The following GNAI1 variants were observed in gnomAD, a reference collection of about 807,000 sequenced individuals.
GNAI1 encodes guanine nucleotide-binding protein G(i) subunit alpha-1.
In GNAI1, 11 loss-of-function variants were observed where a neutral mutation model predicts 38.9. The observed-to-expected ratio is 0.28, with a 90% CI of 0.18 to 0.47. The LOEUF (loss-of-function observed/expected upper bound fraction) is 0.47, where lower values mean the gene tolerates loss of function less well. Among genes scored for constraint, GNAI1 ranks in the 20% least tolerant of loss-of-function variants. The probability of loss-of-function intolerance (pLI) is 0.99; values close to 1 mark genes in which losing one functional copy is unlikely to be tolerated. For synonymous variants in GNAI1, 166 were observed against 145.1 expected (o/e 1.14, Z -1.04); for missense variants, 317 against 436.9 (o/e 0.73, Z 2.45).
intron 1 of GNAI1, among the ~76,000 whole-genome samples, chr7:80,175,578 T>C (rs1224988620): frequency 1.3e-5 from 2 of 151,282 alleles, no homozygotes; most frequent in African/African-American, 4.9e-5. Flanking sequence ...TTTAACAAAT[T>C]GAAGGTTTGT....
chr7:80,213,655 T>C (rs1262457281), intron 7 of GNAI1, among the ~76,000 whole-genome samples: 1 of 152,164 alleles, frequency 6.6e-6, no homozygotes, highest in Non-Finnish European at 1.5e-5. Flanking sequence ...CACCACCTTA[T>C]AACTTTTTCA....
intron 1 of GNAI1, among the ~76,000 whole-genome samples, chr7:80,143,798 T>C (rs1412255174): frequency 6.6e-6 from 1 of 152,180 alleles, no homozygotes; most frequent in African/African-American, 2.4e-5. Flanking sequence ...TTATAGGCTA[T>C]TATTATAAAT....
At chr7:80,185,329 G>T (rs146654136) in intron 1 of GNAI1, among the ~76,000 whole-genome samples, 2 of 152,118 alleles carry the variant, frequency 1.3e-5, no homozygotes, top group African/African-American at 4.8e-5. Flanking sequence ...CCTATAGATA[G>T]TATTTCTGGC....
chr7:80,174,011 G>T (rs766230288), intron 1 of GNAI1, among the ~76,000 whole-genome samples: 66 of 152,154 alleles, frequency 4.3e-4, no homozygotes, highest in Non-Finnish European at 8.5e-4. Context: ...AAAATGTGGG[G>T]AAGGATTGGA....
rs1212043778 is a variant in GNAI1, at chr7:80,222,861, A to G, written c.*5368A>G. On this transcript the variant is annotated 3_prime_UTR_variant, in exon 8 of 8. Transcript: ENST00000649796. Reference sequence around the variant, plus strand: ...GGTTAAGTCCTGAAAAGCCCACTGTAAGTTGATAATACCTTATTTTGAAAA... The same window carrying G: ...GGTTAAGTCCTGAAAAGCCCACTGTGAGTTGATAATACCTTATTTTGAAAA... Among the ~76,000 whole-genome samples the G allele has an allele frequency of 1.3e-5, 2 of 152,156 alleles. No individual in the cohort carries two copies. The highest frequency in any genetic ancestry group is 2.9e-5 in the Non-Finnish European group (2 of 68,030).
intron 1 of GNAI1, among the ~76,000 whole-genome samples, chr7:80,180,478 T>G (rs896693709): frequency 6.6e-6 from 1 of 152,178 alleles, no homozygotes; most frequent in Non-Finnish European, 1.5e-5. Context: ...TGTCAAATTT[T>G]CCCACATCTT....
At chr7:80,216,257 CA>C (rs1277737439) in intron 7 of GNAI1, among the ~76,000 whole-genome samples, 1 of 150,620 alleles carries the variant, frequency 6.6e-6, no homozygotes, top group African/African-American at 2.4e-5. Context: ...GTCAAGAAAC[CA>C]AACAGCTTCA....
rs925657851 is a variant in GNAI1, at chr7:80,223,618, C to T, written c.*6125C>T. On this transcript the variant is annotated 3_prime_UTR_variant, in exon 8 of 8. Transcript: ENST00000649796. ...TATCAATTTTGTAGCTTGTGGAATG[C>T]GGACTATCCCAGCAGCAAATTCATT... Among the ~76,000 whole-genome samples, 1 of 152,102 alleles carries T rather than the reference C, an allele frequency of 6.6e-6. No individual in the cohort carries two copies. Among genetic ancestry groups the T allele is most frequent in the Non-Finnish European group, 1.5e-5 (1 of 68,008 alleles).
intron 1 of GNAI1, among the ~76,000 whole-genome samples, chr7:80,148,295 A>G (rs984973327): frequency 1.3e-5 from 2 of 152,190 alleles, no homozygotes; most frequent in Non-Finnish European, 2.9e-5. Context: ...TCAACTGACA[A>G]ATGTCCATTG....
rs746678386 is a variant in GNAI1, at chr7:80,220,054, T to A, written c.*2561T>A. Among the ~76,000 whole-genome samples, 1 of 152,218 alleles carries A rather than the reference T, an allele frequency of 6.6e-6. No homozygotes were observed. The highest frequency in any genetic ancestry group is 1.5e-5 in the Non-Finnish European group (1 of 68,038). The stretch of plus-strand genomic sequence containing the variant: ...GAAAAACCCAGGTTAGTTATCCTAA[T>A]GTAGAACTGTGGCCCTATCACCTTC... On this transcript the variant is annotated 3_prime_UTR_variant, in exon 8 of 8. Coordinates refer to ENST00000649796, the MANE Select transcript of GNAI1 (RefSeq NM_002069.6).
chr7:80,156,082 G>A (rs1489199928), intron 1 of GNAI1, among the ~76,000 whole-genome samples: 1 of 149,642 alleles, frequency 6.7e-6, no homozygotes, highest in Non-Finnish European at 1.5e-5. Context: ...GCAAGCTGAT[G>A]TACATATCAG....
chr7:80,171,684 A>G (rs1172222285), intron 1 of GNAI1, among the ~76,000 whole-genome samples: 1 of 152,178 alleles, frequency 6.6e-6, no homozygotes, highest in Non-Finnish European at 1.5e-5. Flanking sequence ...ATTAGATTAT[A>G]TCTTTTCCGG....
chr7:80,159,732 TTTGTA>T (rs570708411), intron 1 of GNAI1, among the ~76,000 whole-genome samples: 553 of 152,276 alleles, frequency 3.6e-3, no homozygotes, highest in Non-Finnish European at 6.1e-3. Flanking sequence ...ATTTCACTTT[TTTGTA>T]TTGTATTAAG....
At chr7:80,135,760 CAG>C in intron 1 of GNAI1, 4 of 978,172 alleles carry the variant, frequency 4.1e-6, no homozygotes, top group Non-Finnish European at 4.8e-6. Context: ...TTGGTGAAAT[CAG>C]TGCACCTTTT....
rs1039583219 is a variant in GNAI1 at position 80,134,997 on chromosome 7, T to C, written c.-164T>C. 2.4e-6 allele frequency: 1 copy of C among 423,502 alleles called. No individual in the cohort carries two copies. Among genetic ancestry groups the C allele is most frequent in the Non-Finnish European group, 4.1e-6 (1 of 240,988 alleles). The allele number at this position is 423,502 out of a possible 1,614,324, so 26.2% of individuals were successfully genotyped here. Reference sequence around the variant, plus strand: ...AGCCGCCCGTTGCTGTCTGCCCCTTTGCGGACAGCGTCTCCCTCGACTCCG... The same window carrying C: ...AGCCGCCCGTTGCTGTCTGCCCCTTCGCGGACAGCGTCTCCCTCGACTCCG... On this transcript the variant is annotated 5_prime_UTR_variant, in exon 1 of 8. Coordinates refer to ENST00000649796, the MANE Select transcript of GNAI1 (RefSeq NM_002069.6).
intron 5 of GNAI1, among the ~76,000 whole-genome samples, chr7:80,207,828 T>G (rs1462192707): frequency 6.6e-6 from 1 of 152,138 alleles, no homozygotes; most frequent in Non-Finnish European, 1.5e-5. Flanking sequence ...ATTTAAGAAT[T>G]CATATTATCC....
chr7:80,216,997 A>G (rs1228847335), intron 7 of GNAI1, among the ~76,000 whole-genome samples: 1 of 152,100 alleles, frequency 6.6e-6, no homozygotes, highest in Non-Finnish European at 1.5e-5. Flanking sequence ...GACAGAGGAT[A>G]AGAGGATAAA....
chr7:80,186,739 T>C (rs7458878), intron 1 of GNAI1, among the ~76,000 whole-genome samples: 1 of 152,190 alleles, frequency 6.6e-6, no homozygotes, highest in South Asian at 2.1e-4. Context: ...GGATCTAGAG[T>C]GTCCCATCAT....
At chr7:80,144,832 GA>G (rs771340111) in intron 1 of GNAI1, among the ~76,000 whole-genome samples, 7 of 152,170 alleles carry the variant, frequency 4.6e-5, no homozygotes, top group Non-Finnish European at 8.8e-5. Flanking sequence ...GGTATAGCTT[GA>G]AATTGATCCA....
Sources: gnomAD v4.1 joint callset for allele counts (sites outside exome capture counted in the v4.1 genomes callset) on GRCh38, gnomAD v4.1.1 for gene constraint, MANE v1.5 for transcripts, NCBI Gene and HGNC (gene_info 2026-07-23, HGNC 2026-07-21) for gene names.